Variants in ZSCAN25 observed in about 807,000 individuals in gnomAD.
ZSCAN25 encodes zinc finger and SCAN domain containing 25, also known as zinc finger and SCAN domain-containing protein 25.
In ZSCAN25, 27 loss-of-function variants were observed where a neutral mutation model predicts 38.7. The ratio of observed to expected loss-of-function variants is 0.70; its 90% CI spans 0.51 to 0.96. ZSCAN25 has a LOEUF of 0.96. Among genes scored for constraint, ZSCAN25 ranks in the 40% least tolerant of loss-of-function variants. The probability of loss-of-function intolerance (pLI) is 0.00; values close to 1 mark genes in which losing one functional copy is unlikely to be tolerated. For synonymous variants in ZSCAN25, 273 were observed against 277.7 expected, an observed-to-expected ratio of 0.98 and a Z score of 0.17; for missense variants, 637 against 705.9, an observed-to-expected ratio of 0.90 and a Z score of 1.11.
At chr7:99,722,706 C>T in the ZSCAN25 span, among the ~76,000 whole-genome samples, 10 of 152,152 alleles carry the variant, frequency 6.6e-5, no homozygotes, top group Non-Finnish European at 1.5e-4. Flanking sequence ...GAAACTGAGG[C>T]TGAGGGAATG....
chr7:99,621,315 C>G (rs1229829192), intron 4 of ZSCAN25, 58 bp from the exon 5 acceptor site: 45 of 1,294,280 alleles, frequency 3.5e-5, no homozygotes. Context: ...TAGTTCAACT[C>G]CCTTCATAAC....
At chr7:99,637,055 T>G (rs1167788404), downstream of ZSCAN25, among the ~76,000 whole-genome samples, 7 of 152,224 alleles carry the variant, frequency 4.6e-5, no homozygotes, top group East Asian at 1.3e-3. Context: ...ACCTTTTTTA[T>G]AAAACATATT....
the ZSCAN25 span, among the ~76,000 whole-genome samples, chr7:99,675,714 C>T: frequency 8.0e-6 from 1 of 124,462 alleles, no homozygotes; most frequent in Non-Finnish European, 1.7e-5. Context: ...TTCTTTCTTC[C>T]TTTCTGTCTT....
chr7:99,676,959 T>C, the ZSCAN25 span, among the ~76,000 whole-genome samples: 1 of 152,168 alleles, frequency 6.6e-6, no homozygotes, highest in South Asian at 2.1e-4. Flanking sequence ...CTTGAATGAT[T>C]GTGTGCAGAA....
At chr7:99,622,829 C>T (rs1003530502) in intron 6 of ZSCAN25, among the ~76,000 whole-genome samples, 189 bp downstream of exon 6, 1 of 152,176 alleles carries the variant, frequency 6.6e-6, no homozygotes, top group Non-Finnish European at 1.5e-5. Flanking sequence ...TAATTTACAT[C>T]GAACCTTATG....
chr7:99,648,209 C>T, the ZSCAN25 span: 4 of 1,507,926 alleles, frequency 2.7e-6, no homozygotes, highest in Non-Finnish European at 3.6e-6. Flanking sequence ...TAGATTAAGC[C>T]CATCTTTATT....
the ZSCAN25 span, chr7:99,663,742 C>A: frequency 8.4e-7 from 1 of 1,189,494 alleles, no homozygotes. Context: ...TATATCATGA[C>A]ATACTAATTG....
intron 7 of ZSCAN25, among the ~76,000 whole-genome samples, chr7:99,624,937 G>A (rs1233299815): frequency 6.6e-6 from 1 of 152,196 alleles, no homozygotes; most frequent in Non-Finnish European, 1.5e-5. Flanking sequence ...GGAGCGGCCT[G>A]TCCTTGTTCT....
At chr7:99,707,413 G>A in the ZSCAN25 span, among the ~76,000 whole-genome samples, 2 of 152,200 alleles carry the variant, frequency 1.3e-5, no homozygotes, top group Non-Finnish European at 2.9e-5. Context: ...GCTAGTGGTT[G>A]GGAGCCACTG....
the ZSCAN25 span, chr7:99,717,472 C>T: frequency 6.2e-7 from 1 of 1,606,584 alleles, no homozygotes; most frequent in Non-Finnish European, 8.5e-7. Context: ...TTCTACCTGT[C>T]CCCACCTGAT....
chr7:99,663,712 A>C, the ZSCAN25 span: 3 of 1,080,970 alleles, frequency 2.8e-6, no homozygotes, highest in African/African-American at 5.0e-5. Flanking sequence ...GAAGTGGTAA[A>C]ATTTTATCTC....
At chr7:99,700,426 C>T in the ZSCAN25 span, among the ~76,000 whole-genome samples, 1 of 152,138 alleles carries the variant, frequency 6.6e-6, no homozygotes, top group African/African-American at 2.4e-5. Context: ...CCCCACAAGC[C>T]ACAACTGCAG....
chr7:99,679,288 C>T, the ZSCAN25 span, among the ~76,000 whole-genome samples: 2 of 152,074 alleles, frequency 1.3e-5, no homozygotes, highest in Non-Finnish European at 2.9e-5. Flanking sequence ...CCCATGAAGT[C>T]TTGGTGTCCC....
chr7:99,636,850 A>G (rs185114590), downstream of ZSCAN25, among the ~76,000 whole-genome samples: 7 of 152,328 alleles, frequency 4.6e-5, no homozygotes, highest in Admixed American at 2.0e-4. Context: ...ACACATGAAG[A>G]AAAATTAAGT....
chr7:99,727,342 C>G, the ZSCAN25 span, among the ~76,000 whole-genome samples: 2 of 152,222 alleles, frequency 1.3e-5, no homozygotes, highest in Non-Finnish European at 2.9e-5. Flanking sequence ...ACAAACTATG[C>G]TCAACTCACT....
the ZSCAN25 span, chr7:99,679,701 G>A: frequency 1.5e-5 from 13 of 856,240 alleles, no homozygotes; most frequent in East Asian, 7.3e-5. Context: ...CGTTTGTAGC[G>A]TCCAACACTT....
chr7:99,729,770 C>T, the ZSCAN25 span, among the ~76,000 whole-genome samples: 21 of 152,162 alleles, frequency 1.4e-4, 1 homozygote, highest in Non-Finnish European at 4.4e-5. Flanking sequence ...CCACCTTTAA[C>T]TGTAACTTTC....
At chr7:99,654,203 G>A in the ZSCAN25 span, among the ~76,000 whole-genome samples, 2 of 152,136 alleles carry the variant, frequency 1.3e-5, no homozygotes, top group African/African-American at 4.8e-5. Context: ...TTAACATTCG[G>A]TATATCTCCT....
chr7:99,674,017 C>T, the ZSCAN25 span, among the ~76,000 whole-genome samples: 1 of 152,138 alleles, frequency 6.6e-6, no homozygotes, highest in Admixed American at 6.5e-5. Flanking sequence ...AGTGATGTCA[C>T]TAATTGTTTT....
Sources: allele counts gnomAD v4.1 joint callset (sites outside exome capture counted in the v4.1 genomes callset), GRCh38; gene constraint gnomAD v4.1.1; transcripts MANE v1.5; gene names NCBI Gene and HGNC (gene_info 2026-07-23, HGNC 2026-07-21).